The following EEFSEC variants were observed in gnomAD, a reference collection of about 807,000 sequenced individuals.
The protein encoded by EEFSEC is eukaryotic elongation factor, selenocysteine-tRNA specific.
Under a neutral mutation model 42.1 loss-of-function variants are expected in EEFSEC, and 43 were observed. The observed-to-expected ratio is 1.02, with a 90% CI of 0.80 to 1.32. EEFSEC has a LOEUF of 1.32. EEFSEC is among the 40% of genes most tolerant of loss of function. The pLI is 0.00. For synonymous variants in EEFSEC, 354 were observed against 339.1 expected (o/e 1.04, Z -0.48); for missense variants, 745 against 803.6 (o/e 0.93, Z 0.88).
chr3:128,283,213 A>C (rs909410846), intron 4 of EEFSEC, among the ~76,000 whole-genome samples: 1 of 152,140 alleles, frequency 6.6e-6, no homozygotes, highest in Non-Finnish European at 1.5e-5. Flanking sequence ...CCTCTTTCCC[A>C]TCCCAGGACA....
At chr3:128,187,378 T>C (rs948836781) in intron 1 of EEFSEC, among the ~76,000 whole-genome samples, 1 of 152,230 alleles carries the variant, frequency 6.6e-6, no homozygotes, top group Non-Finnish European at 1.5e-5. Context: ...GAGAGAAGGC[T>C]GGGAGCTGTT....
chr3:128,381,748 G>A (rs942074238), intron 6 of EEFSEC, among the ~76,000 whole-genome samples: 4 of 152,174 alleles, frequency 2.6e-5, no homozygotes, highest in South Asian at 2.1e-4. Flanking sequence ...GGGCATCTTC[G>A]TGGGGCCTGC....
chr3:128,416,690 G>A, the EEFSEC span, among the ~76,000 whole-genome samples: 1 of 152,100 alleles, frequency 6.6e-6, no homozygotes, highest in African/African-American at 2.4e-5. Flanking sequence ...AGACATTGGG[G>A]CTCTCTCTTC....
At chr3:128,274,437 C>G (rs1297496326) in intron 4 of EEFSEC, among the ~76,000 whole-genome samples, 1 of 152,240 alleles carries the variant, frequency 6.6e-6, no homozygotes, top group Admixed American at 6.5e-5. Context: ...AGGCAGCACT[C>G]AGTGGTTGCT....
At chr3:128,361,781 A>G (rs1024591997) in intron 6 of EEFSEC, among the ~76,000 whole-genome samples, 3 of 152,198 alleles carry the variant, frequency 2.0e-5, no homozygotes, top group African/African-American at 7.2e-5. Context: ...GCAGAATTGT[A>G]CTTCATGGGA....
At chr3:128,314,064 A>G (rs2066918548) in intron 4 of EEFSEC, among the ~76,000 whole-genome samples, 1 of 152,188 alleles carries the variant, frequency 6.6e-6, no homozygotes, top group African/African-American at 2.4e-5. Flanking sequence ...ATGTCTGTTT[A>G]GCCTCTGCCT....
At chr3:128,264,513 G>A in intron 3 of EEFSEC, 104 bp from the exon 4 acceptor site, 2 of 1,353,764 alleles carry the variant, frequency 1.5e-6, no homozygotes, top group Non-Finnish European at 2.0e-6. Flanking sequence ...GTTCACCTTG[G>A]CAGCCTTGAT....
At chr3:128,234,025 T>TTTTATTTA (rs58135764) in intron 1 of EEFSEC, among the ~76,000 whole-genome samples, 39 of 148,798 alleles carry the variant, frequency 2.6e-4, no homozygotes, top group African/African-American at 8.4e-4. Context: ...GTAGTCATCT[T>TTTTATTTA]TTTATTTATT....
chr3:128,327,002 T>G (rs1417108139), intron 4 of EEFSEC, among the ~76,000 whole-genome samples: 1 of 152,286 alleles, frequency 6.6e-6, no homozygotes, highest in Admixed American at 6.5e-5. Context: ...TTCTGAGCAG[T>G]GTTTGCACTT....
At chr3:128,169,189 A>G (rs983112553) in intron 1 of EEFSEC, among the ~76,000 whole-genome samples, 3 of 152,224 alleles carry the variant, frequency 2.0e-5, no homozygotes, top group African/African-American at 4.8e-5. Flanking sequence ...AGGCCAGGGA[A>G]GGCCTTTCTG....
chr3:128,253,292 ATGGCTTGGTCT>A lies in EEFSEC; in HGVS notation c.524+6255_524+6265del, dbSNP rs532973464. 2.0e-5 allele frequency among the ~76,000 whole-genome samples: 3 copies of A among 152,256 alleles called. No individual in the cohort carries two copies. In the South Asian group the frequency reaches 6.2e-4, roughly 32 times the overall value. ...GGGCGTGGAAGCAGAGCCAGTGTAC[ATGGCTTGGTCT>A]TGGCTCCGTCAGCTCTGCGGATGGA... On this transcript the variant is annotated intron_variant, in intron 2 of 6. Transcript: ENST00000254730.
chr3:128,187,717 T>C (rs374778325), intron 1 of EEFSEC, among the ~76,000 whole-genome samples: 3 of 152,138 alleles, frequency 2.0e-5, no homozygotes, highest in East Asian at 1.9e-4. Flanking sequence ...GTACTGAATA[T>C]GAGATAGGTG....
chr3:128,186,233 G>A (rs1225831264), intron 1 of EEFSEC, among the ~76,000 whole-genome samples: 1 of 152,098 alleles, frequency 6.6e-6, no homozygotes, highest in Non-Finnish European at 1.5e-5. Flanking sequence ...TATCTTCTTT[G>A]GAGAAATGCC....
intron 6 of EEFSEC, among the ~76,000 whole-genome samples, chr3:128,359,648 A>G (rs1039606688): frequency 1.3e-5 from 2 of 152,228 alleles, no homozygotes; most frequent in Non-Finnish European, 2.9e-5. Context: ...ATTTTCAAAC[A>G]TACAGCAAAG....
chr3:128,269,178 A>C (rs1326066588), intron 4 of EEFSEC, among the ~76,000 whole-genome samples: 1 of 152,234 alleles, frequency 6.6e-6, no homozygotes, highest in Non-Finnish European at 1.5e-5. Context: ...ACTGGACAGC[A>C]GAGCTGGGAC....
intron 4 of EEFSEC, among the ~76,000 whole-genome samples, chr3:128,316,875 T>G (rs1293347266): frequency 6.6e-6 from 1 of 152,204 alleles, no homozygotes. Flanking sequence ...AAGTTAAATT[T>G]ATAATCCCAG....
chr3:128,321,088 G>A lies in EEFSEC; in HGVS notation c.787-20145G>A, dbSNP rs1355979215. ...ACAAATATGTGTGGGAGGCCCTGGG[G>A]GTGCCAGGCAGCCTTGGAAGGCTGC... On this transcript the variant is annotated intron_variant, in intron 4 of 6. Coordinates refer to ENST00000254730, the MANE Select transcript of EEFSEC (RefSeq NM_021937.5). 2.6e-5 allele frequency among the ~76,000 whole-genome samples: 4 copies of A among 152,346 alleles called. No individual in the cohort carries two copies. In the East Asian group the frequency reaches 7.7e-4, roughly 29 times the overall value.
At chr3:128,341,165 C>T (rs760384) in intron 4 of EEFSEC, 68 bp from the exon 5 acceptor site, 5 of 1,519,178 alleles carry the variant, frequency 3.3e-6, no homozygotes, top group Non-Finnish European at 4.4e-6. Context: ...CTAGCTGCAG[C>T]TCCCCTCTCC....
intron 4 of EEFSEC, among the ~76,000 whole-genome samples, chr3:128,277,482 G>A (rs767158233): frequency 7.4e-4 from 113 of 152,208 alleles, no homozygotes; most frequent in Non-Finnish European, 1.3e-3. Flanking sequence ...GTTTTTGTGT[G>A]CGTGTTTTAA....
Sources: gnomAD v4.1 joint callset for allele counts (sites outside exome capture counted in the v4.1 genomes callset) on GRCh38, gnomAD v4.1.1 for gene constraint, MANE v1.5 for transcripts, NCBI Gene and HGNC (gene_info 2026-07-23, HGNC 2026-07-21) for gene names.